EPS8: variants seen among roughly 807,000 people sequenced by gnomAD.
The protein encoded by EPS8 is EGFR pathway substrate 8, signaling adaptor, also known as epidermal growth factor receptor kinase substrate 8.
A neutral mutation model predicts 103.8 loss-of-function variants in EPS8; 42 were observed. The observed-to-expected ratio is 0.40, with a 90% CI of 0.32 to 0.52. The LOEUF is 0.52. EPS8 is among the 20% of genes least tolerant of loss of function. EPS8 has a pLI of 0.40. For synonymous variants in EPS8, 344 were observed against 344.6 expected, an observed-to-expected ratio of 1.00 and a Z score of 0.02; for missense variants, 969 against 1,005.1, an observed-to-expected ratio of 0.96 and a Z score of 0.49.
intron 1 of EPS8, among the ~76,000 whole-genome samples, chr12:15,724,495 G>A (rs983774442): frequency 3.3e-5 from 5 of 152,088 alleles, no homozygotes; most frequent in Non-Finnish European, 1.5e-5. Flanking sequence ...TTTTGTAAGG[G>A]AGACTGTTTA....
chr12:15,674,811 C>T (rs1245090939), intron 3 of EPS8, among the ~76,000 whole-genome samples: 1 of 150,418 alleles, frequency 6.6e-6, no homozygotes. Context: ...GAATTAGAAG[C>T]CATTTACATC....
In EPS8 at chr12:15,735,070, T is replaced by C. The variant is rs1946755421; in HGVS notation, c.-21-52098A>G. On this transcript the variant is annotated intron_variant, in intron 1 of 20. Transcript: ENST00000281172. The surrounding 1 kb of genome is among the most constrained non-coding windows in gnomAD (Gnocchi z 4.4). ...ACGACTTCACACTAACAGCATTTCA[T>C]GGATAACTGTAGTATTCCCAGGTAC... Among the ~76,000 whole-genome samples the C allele has an allele frequency of 6.6e-6, 1 of 152,202 alleles. No individual in the cohort carries two copies. The highest frequency in any genetic ancestry group is 2.1e-4 in the South Asian group (1 of 4,826).
intron 1 of EPS8, among the ~76,000 whole-genome samples, chr12:15,691,427 A>G (rs1591861944): frequency 6.6e-6 from 1 of 152,216 alleles, no homozygotes; most frequent in South Asian, 2.1e-4. Context: ...TTAGAAATAT[A>G]TAGTATAATG....
rs1182232775 is a variant in EPS8, at chr12:15,701,373, T to G, written c.-21-18401A>C. On this transcript the variant is annotated intron_variant, in intron 1 of 20. Coordinates refer to ENST00000281172, the MANE Select transcript of EPS8 (RefSeq NM_004447.6). The surrounding 1 kb of genome is among the most constrained non-coding windows in gnomAD (Gnocchi z 5.1). Reference sequence around the variant, plus strand: ...ATCACAGTTAGTACATGGTAAAGCCTCAGACACAGGCAGACCAACACAAAA... The same window carrying G: ...ATCACAGTTAGTACATGGTAAAGCCGCAGACACAGGCAGACCAACACAAAA... 6.6e-6 allele frequency among the ~76,000 whole-genome samples: 1 copy of G among 152,206 alleles called. No individual in the cohort carries two copies. Among genetic ancestry groups the G allele is most frequent in the Non-Finnish European group, 1.5e-5 (1 of 68,040 alleles).
rs1016141616 is a variant in EPS8, at chr12:15,736,194, T to C, written c.-22+52967A>G. 1.3e-5 allele frequency among the ~76,000 whole-genome samples: 2 copies of C among 152,230 alleles called. No individual in the cohort carries two copies. The highest frequency in any genetic ancestry group is 4.8e-5 in the African/African-American group (2 of 41,450). ...GAGCCACTGTGCCGGGCCGAGTTTG[T>C]GTTTTAAACCAAAAACTATCCTAGT... On this transcript the variant is annotated intron_variant, in intron 1 of 20. Transcript: ENST00000281172. This position sits in a 1 kb window ranked among gnomAD's most constrained non-coding sequence, Gnocchi z 4.2.
chr12:15,750,190 G>A (rs940643135), intron 1 of EPS8, among the ~76,000 whole-genome samples: 26 of 152,142 alleles, frequency 1.7e-4, no homozygotes, highest in African/African-American at 6.0e-4. Context: ...TCCAACTCCA[G>A]TTTTAGTTCA....
intron 15 of EPS8, among the ~76,000 whole-genome samples, chr12:15,644,510 C>T (rs1203683316): frequency 6.6e-5 from 10 of 151,956 alleles, no homozygotes; most frequent in African/African-American, 9.7e-5. Flanking sequence ...CTGGCTAACA[C>T]GGTGAAACCC....
chr12:15,637,218 G>C (rs1466722922), intron 17 of EPS8, among the ~76,000 whole-genome samples: 1 of 152,158 alleles, frequency 6.6e-6, no homozygotes, highest in Admixed American at 6.5e-5. Context: ...ACAGGGTTTT[G>C]CCATGTTGGC....
At position 15,747,816 on chromosome 12, in the gene EPS8, C is replaced by T. The variant is rs1254855069; in HGVS notation, c.-22+41345G>A. Among the ~76,000 whole-genome samples, 5 of 152,022 alleles carry T rather than the reference C, an allele frequency of 3.3e-5. No homozygotes were observed. The East Asian group carries it at 5.8e-4, about 18-fold the overall frequency. ...TGGGCGGATCACGAGGTCAGGAGATCGAGACCATCCTGGCTAACACGGTGA... is the reference window on the plus strand; with the variant it reads ...TGGGCGGATCACGAGGTCAGGAGATTGAGACCATCCTGGCTAACACGGTGA... On this transcript the variant is annotated intron_variant, in intron 1 of 20. Coordinates refer to ENST00000281172, the MANE Select transcript of EPS8 (RefSeq NM_004447.6). This position sits in a 1 kb window ranked among gnomAD's most constrained non-coding sequence, Gnocchi z 4.4.
rs145154062 is a variant in EPS8 at position 15,752,351 on chromosome 12, G to A, written c.-22+36810C>T. ...AGTCCCAGCTACAAGGGAGGCTAAG[G>A]CAGGAGAATGGCGTGAACCCGCGAG... On this transcript the variant is annotated intron_variant, in intron 1 of 20. Transcript: ENST00000281172. This position sits in a 1 kb window ranked among gnomAD's most constrained non-coding sequence, Gnocchi z 4.4. 1.6e-3 allele frequency among the ~76,000 whole-genome samples: 238 copies of A among 152,130 alleles called. 12 individuals are homozygous for A. The East Asian group carries it at 0.038, about 24-fold the overall frequency.
chr12:15,700,729 G>C lies in EPS8; in HGVS notation c.-21-17757C>G, dbSNP rs1946300902. ...AAGCATGCCTATTTATATCAAGGAGGTTCAAAACTGACTCAGAGGAAAAAG... is the reference window on the plus strand; with the variant it reads ...AAGCATGCCTATTTATATCAAGGAGCTTCAAAACTGACTCAGAGGAAAAAG... On this transcript the variant is annotated intron_variant, in intron 1 of 20. Transcript: ENST00000281172. This position sits in a 1 kb window ranked among gnomAD's most constrained non-coding sequence, Gnocchi z 5.1. 6.6e-6 allele frequency among the ~76,000 whole-genome samples: 1 copy of C among 152,050 alleles called. No individual in the cohort carries two copies. Among genetic ancestry groups the C allele is most frequent in the Non-Finnish European group, 1.5e-5 (1 of 68,004 alleles).
chr12:15,753,703 C>T (rs953678266), intron 1 of EPS8, among the ~76,000 whole-genome samples: 2 of 152,126 alleles, frequency 1.3e-5, no homozygotes, highest in Non-Finnish European at 2.9e-5. Flanking sequence ...ATGAACTATA[C>T]TCGTTCAATC....
rs957250228 is a variant in EPS8, at chr12:15,631,654, A to G, written c.1832T>C (p.Met611Thr). The G allele has an allele frequency of 1.9e-6, 3 of 1,609,538 alleles. No individual in the cohort carries two copies. Among genetic ancestry groups the G allele is most frequent in the African/African-American group, 2.7e-5 (2 of 74,796 alleles). The change falls in exon 18 of 21, where the codon ATG becomes ACG. Residue 611 changes from methionine to threonine, a missense_variant. Met to Thr is a moderately conservative substitution (Grantham distance 81). Transcript: ENST00000281172. ...ATCAGCTGGTCTTGGGCCATACTCC[A>G]TCCTTTGTTTCTATAAAAAGACAAA... is the stretch of plus-strand genomic sequence containing the variant. ...PYTHTIQKQR[M>T]EYGPRPADTP...
Position 15,747,008 on chromosome 12 carries a change from C to G in EPS8, c.-22+42153G>C, listed in dbSNP as rs896930897. Among the ~76,000 whole-genome samples the G allele has an allele frequency of 6.6e-6, 1 of 152,100 alleles. No individual in the cohort carries two copies. The highest frequency in any genetic ancestry group is 1.5e-5 in the Non-Finnish European group (1 of 68,004). ...TAACAAGGGACTCCTTTCTTCTTTG[C>G]CTTTTTCTGATATTTTTAAATCCTC... On this transcript the variant is annotated intron_variant, in intron 1 of 20. Transcript: ENST00000281172. This position sits in a 1 kb window ranked among gnomAD's most constrained non-coding sequence, Gnocchi z 4.4.
At position 15,696,616 on chromosome 12, in the gene EPS8, G is replaced by C. The variant is rs1233255173; in HGVS notation, c.-21-13644C>G. Among the ~76,000 whole-genome samples the C allele has an allele frequency of 6.6e-6, 1 of 152,056 alleles. No homozygotes were observed. Among genetic ancestry groups the C allele is most frequent in the African/African-American group, 2.4e-5 (1 of 41,402 alleles). On this transcript the variant is annotated intron_variant, in intron 1 of 20. Transcript: ENST00000281172. The surrounding 1 kb of genome is among the most constrained non-coding windows in gnomAD (Gnocchi z 4.8). Reference sequence around the variant, plus strand: ...AGATCGCACCATTGAACTCCAGCCTGGCGACAGAGCGAGACTCTGTCTCAA... The same window carrying C: ...AGATCGCACCATTGAACTCCAGCCTCGCGACAGAGCGAGACTCTGTCTCAA...
In EPS8 at chr12:15,698,220, C is replaced by T. The variant is rs1946266582; in HGVS notation, c.-21-15248G>A. Reference sequence around the variant, plus strand: ...AATTATGCCTGTGAATATTTTATTACTTGGCCAAATGGAGATGTTTATCTC... The same window carrying T: ...AATTATGCCTGTGAATATTTTATTATTTGGCCAAATGGAGATGTTTATCTC... On this transcript the variant is annotated intron_variant, in intron 1 of 20. Transcript: ENST00000281172. This position sits in a 1 kb window ranked among gnomAD's most constrained non-coding sequence, Gnocchi z 4.9. Among the ~76,000 whole-genome samples, 1 of 152,072 alleles carries T rather than the reference C, an allele frequency of 6.6e-6. No individual in the cohort carries two copies. Among genetic ancestry groups the T allele is most frequent in the Admixed American group, 6.5e-5 (1 of 15,276 alleles).
In EPS8 at chr12:15,780,615, A is replaced by C. The variant is rs985681611; in HGVS notation, c.-22+8546T>G. 2 of 152,246 alleles carry C rather than the reference A, an allele frequency of 1.3e-5. No homozygotes were observed. The highest frequency in any genetic ancestry group is 4.8e-5 in the African/African-American group (2 of 41,410). 9.4% of individuals were successfully genotyped at this position (152,246 alleles called of 1,614,324 possible). A position where few individuals can be genotyped will look rare whatever the true frequency, so the allele number is the denominator to read the frequency against. ...ACCTCTTTGATAAGAAAACCAAGGCAGATAAGGTCTGATTCCAAAGTCCAT... is the reference window on the plus strand; with the variant it reads ...ACCTCTTTGATAAGAAAACCAAGGCCGATAAGGTCTGATTCCAAAGTCCAT... On this transcript the variant is annotated intron_variant, in intron 1 of 20. Transcript: ENST00000281172. This position sits in a 1 kb window ranked among gnomAD's most constrained non-coding sequence, Gnocchi z 4.1.
chr12:15,753,078 G>A (rs1005478598), intron 1 of EPS8, among the ~76,000 whole-genome samples: 2 of 151,500 alleles, frequency 1.3e-5, no homozygotes, highest in African/African-American at 4.9e-5. Context: ...ATCCAGGGCT[G>A]AACAAGAGAC....
intron 15 of EPS8, among the ~76,000 whole-genome samples, chr12:15,643,005 G>A (rs1405604281): frequency 1.3e-5 from 2 of 152,104 alleles, no homozygotes; most frequent in Non-Finnish European, 2.9e-5. Flanking sequence ...TGAAATTATG[G>A]TGAAGTAATT....
Sources: allele counts gnomAD v4.1 joint callset (sites outside exome capture counted in the v4.1 genomes callset), GRCh38; gene constraint gnomAD v4.1.1; non-coding constraint Gnocchi (gnomAD v3.1); transcripts MANE v1.5; gene names NCBI Gene and HGNC (gene_info 2026-07-23, HGNC 2026-07-21).